UBR1: variants seen among roughly 807,000 people sequenced by gnomAD.
UBR1 encodes E3 ubiquitin-protein ligase UBR1.
A neutral mutation model predicts 242.1 loss-of-function variants in UBR1; 102 were observed. The observed-to-expected ratio is 0.42, with a 90% CI of 0.36 to 0.50. The LOEUF (loss-of-function observed/expected upper bound fraction) is 0.50, where lower values mean the gene tolerates loss of function less well. UBR1 is among the 20% of genes least tolerant of loss of function. UBR1 has a pLI of 0.01. For missense variants in UBR1, 1,772 were observed against 2,101.8 expected (o/e 0.84, Z 3.07); for synonymous variants, 675 against 684.8 (o/e 0.99, Z 0.22).
Position 42,943,475 on chromosome 15 carries a change from A to G in UBR1, c.*1854T>C, listed in dbSNP as rs1228768019. On this transcript the variant is annotated 3_prime_UTR_variant, in exon 47 of 47. Transcript: ENST00000290650. The stretch of plus-strand genomic sequence containing the variant: ...AATCAATCTCAATCAGTGGAACGCA[A>G]TATGAAATGGGTTCTTTGGCAGTAA... The G allele has an allele frequency of 6.6e-6, 1 of 152,626 alleles. No homozygotes were observed. Among genetic ancestry groups the G allele is most frequent in the African/African-American group, 2.4e-5 (1 of 41,464 alleles). 9.5% of individuals were successfully genotyped at this position (152,626 alleles called of 1,614,324 possible).
At chr15:43,071,036 T>A (rs1480826445) in intron 4 of UBR1, 111 bp from the exon 5 acceptor site, 1 of 1,409,736 alleles carries the variant, frequency 7.1e-7, no homozygotes, top group Non-Finnish European at 9.8e-7. Flanking sequence ...TACAACATCG[T>A]CCAGGAATGA....
At chr15:43,080,247 C>T (rs1187576494) in intron 3 of UBR1, among the ~76,000 whole-genome samples, 1 of 152,126 alleles carries the variant, frequency 6.6e-6, no homozygotes, top group Non-Finnish European at 1.5e-5. Context: ...TTTAATGTAT[C>T]ATGAAACATT....
rs1567130307 is a variant in UBR1, at chr15:43,027,758, T to C, written c.2432+18A>G. 1 of 1,606,894 alleles carries C rather than the reference T, an allele frequency of 6.2e-7. No individual in the cohort carries two copies. The highest frequency in any genetic ancestry group is 1.3e-5 in the African/African-American group (1 of 74,900). ...ATCAAACTACCTTTTAGAATAAGCATAAATATTAAGCACTTACTTAAATGT... is the reference window on the plus strand; with the variant it reads ...ATCAAACTACCTTTTAGAATAAGCACAAATATTAAGCACTTACTTAAATGT... On this transcript the variant is annotated intron_variant, in intron 22 of 46. Transcript: ENST00000290650.
chr15:42,997,892 G>C (rs1395056214), intron 33 of UBR1, among the ~76,000 whole-genome samples: 2 of 152,094 alleles, frequency 1.3e-5, no homozygotes, highest in Admixed American at 6.5e-5. Context: ...GATGAATCTT[G>C]GATCTAAGAT....
intron 43 of UBR1, among the ~76,000 whole-genome samples, chr15:42,959,235 T>A (rs1462118575): frequency 2.6e-5 from 4 of 152,014 alleles, no homozygotes; most frequent in African/African-American, 9.7e-5. Context: ...TTTGGTTTGT[T>A]TTTTTAGAGA....
intron 39 of UBR1, 152 bp downstream of exon 39, chr15:42,976,565 T>C: frequency 1.1e-6 from 1 of 926,000 alleles, no homozygotes; most frequent in African/African-American, 1.8e-5. Context: ...CTTTCCTTGT[T>C]TAAACAGTAT....
chr15:42,957,912 A>G lies in UBR1; in HGVS notation c.4835+101T>C. The G allele has an allele frequency of 4.6e-6, 5 of 1,096,154 alleles. 1 individual carries two copies. The highest frequency in any genetic ancestry group is 4.0e-5 in the South Asian group (3 of 74,526). The allele number at this position is 1,096,154 out of a possible 1,614,324, so 67.9% of individuals were successfully genotyped here. ...AAAAAAACCCAAACCAAAACAAACAAAAAAACAAAAACAAGGAAGTGTGTT... is the reference window on the plus strand; with the variant it reads ...AAAAAAACCCAAACCAAAACAAACAGAAAAACAAAAACAAGGAAGTGTGTT... On this transcript the variant is annotated intron_variant, in intron 44 of 46. Transcript: ENST00000290650.
At position 42,944,316 on chromosome 15, in the gene UBR1, G is replaced by C. The variant is rs761337570; in HGVS notation, c.*1013C>G. On this transcript the variant is annotated 3_prime_UTR_variant, in exon 47 of 47. Coordinates refer to ENST00000290650, the MANE Select transcript of UBR1 (RefSeq NM_174916.3). ...CAGGACACAGACTATTGATCACATG[G>C]CTTTTTTGGTGGTTTGTACTAGTCA... 11 of 152,580 alleles carry C rather than the reference G, an allele frequency of 7.2e-5. No homozygotes were observed. The highest frequency in any genetic ancestry group is 1.6e-4 in the Non-Finnish European group (11 of 68,028). 9.5% of individuals were successfully genotyped at this position (152,580 alleles called of 1,614,324 possible).
intron 1 of UBR1, among the ~76,000 whole-genome samples, chr15:43,091,803 G>A (rs976883194): frequency 6.8e-5 from 10 of 146,934 alleles, no homozygotes; most frequent in African/African-American, 2.5e-4. Context: ...GTGGTGGTGC[G>A]CATCTGTAAT....
At chr15:43,020,986 A>C (rs926831640) in intron 27 of UBR1, 1 of 329,154 alleles carries the variant, frequency 3.0e-6, no homozygotes, top group South Asian at 2.9e-5. Flanking sequence ...GTTCCATGAT[A>C]GTAAGCACCT....
At chr15:43,006,117 AAAG>A (rs1369964396) in intron 30 of UBR1, among the ~76,000 whole-genome samples, 4 of 151,232 alleles carry the variant, frequency 2.6e-5, no homozygotes, top group South Asian at 2.1e-4. Flanking sequence ...AAAAAAAAAA[AAAG>A]AAAAGAAAAG....
In UBR1 at chr15:42,958,646, T is replaced by C. The variant is rs977368888; in HGVS notation, c.4758-556A>G. Among the ~76,000 whole-genome samples the C allele has an allele frequency of 1.1e-4, 17 of 152,130 alleles. 1 individual carries two copies. The highest frequency in any genetic ancestry group is 4.8e-5 in the African/African-American group (2 of 41,438). On this transcript the variant is annotated intron_variant, in intron 43 of 46. Transcript: ENST00000290650. ...AGCATTAAGGAAACATATAGAGCGG[T>C]TGAGGACTAAATGAGATACTGAAGT...
chr15:42,970,035 A>G (rs891758682), intron 40 of UBR1, among the ~76,000 whole-genome samples: 1 of 152,258 alleles, frequency 6.6e-6, no homozygotes, highest in African/African-American at 2.4e-5. Flanking sequence ...CGTATAGCCA[A>G]GACAATCCTA....
At chr15:43,024,706 T>G (rs1490725891) in intron 25 of UBR1, 123 bp downstream of exon 25, 1 of 1,390,826 alleles carries the variant, frequency 7.2e-7, no homozygotes, top group Non-Finnish European at 1.0e-6. Context: ...TAAGCTATTT[T>G]TAATGACCCC....
At chr15:42,971,763 A>G (rs2032210520) in intron 39 of UBR1, among the ~76,000 whole-genome samples, 1 of 152,252 alleles carries the variant, frequency 6.6e-6, no homozygotes, top group African/African-American at 2.4e-5. Flanking sequence ...GGTAAATTTT[A>G]CATGCAATTA....
chr15:42,999,388 C>T (rs2032689233), intron 32 of UBR1, among the ~76,000 whole-genome samples: 1 of 152,212 alleles, frequency 6.6e-6, no homozygotes, highest in African/African-American at 2.4e-5. Context: ...TAGCCTCATG[C>T]CCCAGTCTGT....
chr15:43,041,843 A>G (rs947481885), intron 15 of UBR1, among the ~76,000 whole-genome samples: 1 of 152,176 alleles, frequency 6.6e-6, no homozygotes, highest in Admixed American at 6.5e-5. Context: ...GCAAAATTAA[A>G]CCAGATTAAA....
intron 19 of UBR1, among the ~76,000 whole-genome samples, chr15:43,033,001 C>G (rs981981051): frequency 1.3e-5 from 2 of 152,172 alleles, no homozygotes; most frequent in East Asian, 3.8e-4. Context: ...GTATCCTTCT[C>G]TAACACGCCC....
At position 43,047,214 on chromosome 15, in the gene UBR1, G is replaced by A; in HGVS notation, c.1615C>T (p.Gln539Ter). ...DPDWEAAIAI[Q>*]MQLKNILLMF... ...AGTAAAATATTCTTCAATTGCATCT[G>A]TATAGCAATGGCAGCCTCCCAATCA... is the stretch of plus-strand genomic sequence containing the variant. The change falls in exon 14 of 47, where the codon CAG (glutamine) becomes TAG (stop). Residue 539 changes from glutamine (Q) to a stop codon, truncating the protein, a stop_gained. Transcript: ENST00000290650. LOFTEE classifies it high-confidence loss of function. 6.2e-7 allele frequency: 1 copy of A among 1,614,154 alleles called. No homozygotes were observed. The highest frequency in any genetic ancestry group is 8.5e-7 in the Non-Finnish European group (1 of 1,180,014).
Sources: allele counts gnomAD v4.1 joint callset (sites outside exome capture counted in the v4.1 genomes callset), GRCh38; gene constraint gnomAD v4.1.1; transcripts MANE v1.5; gene names NCBI Gene and HGNC (gene_info 2026-07-23, HGNC 2026-07-21).